Variants in PTPN13 observed in about 807,000 individuals in gnomAD.
The protein encoded by PTPN13 is protein tyrosine phosphatase non-receptor type 13.
Under a neutral mutation model 284.0 loss-of-function variants are expected in PTPN13, and 191 were observed. That is an observed-to-expected ratio of 0.67 (90% confidence interval 0.60 to 0.76). PTPN13 has a LOEUF of 0.76. Among genes scored for constraint, PTPN13 ranks in the 30% least tolerant of loss-of-function variants. PTPN13 has a pLI of 0.00. For missense variants in PTPN13, 2,797 were observed against 2,939.9 expected (o/e 0.95, Z 1.12); for synonymous variants, 986 against 1,022.3 (o/e 0.96, Z 0.68).
At chr4:86,641,120 T>A (rs1565210534) in intron 2 of PTPN13, among the ~76,000 whole-genome samples, 1 of 152,212 alleles carries the variant, frequency 6.6e-6, no homozygotes, top group African/African-American at 2.4e-5. Flanking sequence ...GATCACACAA[T>A]ATCTTTTTGT....
At chr4:86,797,035 TA>T in intron 41 of PTPN13, 106 bp downstream of exon 41, 1 of 797,720 alleles carries the variant, frequency 1.3e-6, no homozygotes, top group Non-Finnish European at 1.9e-6. Context: ...TTGAGTAGAT[TA>T]TAAAACTATG....
intron 40 of PTPN13, among the ~76,000 whole-genome samples, chr4:86,787,315 G>T (rs1006689705): frequency 1.3e-5 from 2 of 151,854 alleles, no homozygotes; most frequent in Admixed American, 1.3e-4. Flanking sequence ...AGTCCTAGCC[G>T]GGCATGGTGG....
At chr4:86,617,922 T>C (rs550019182) in intron 1 of PTPN13, among the ~76,000 whole-genome samples, 1 of 151,240 alleles carries the variant, frequency 6.6e-6, no homozygotes, top group African/African-American at 2.4e-5. Flanking sequence ...AGAAGCTCTT[T>C]AGTTTAATTA....
At chr4:86,652,483 A>T (rs557867330) in intron 2 of PTPN13, among the ~76,000 whole-genome samples, 1 of 152,148 alleles carries the variant, frequency 6.6e-6, no homozygotes, top group African/African-American at 2.4e-5. Flanking sequence ...TTGTCTGGGG[A>T]AGTCTTTATC....
chr4:86,757,258 C>T (rs1198999493), intron 20 of PTPN13, among the ~76,000 whole-genome samples: 1 of 152,044 alleles, frequency 6.6e-6, no homozygotes, highest in Admixed American at 6.6e-5. Flanking sequence ...ATTTATTTAA[C>T]TAGGATTTAT....
chr4:86,779,063 T>TAA (rs58996030), intron 35 of PTPN13, among the ~76,000 whole-genome samples: 91 of 132,414 alleles, frequency 6.9e-4, no homozygotes, highest in African/African-American at 2.1e-3. Context: ...AATGTTTCTT[T>TAA]AAAAAAAAAA....
In PTPN13 at chr4:86,620,694, G is replaced by A. The variant is rs367556971; in HGVS notation, c.-5-14558G>A. On this transcript the variant is annotated intron_variant, in intron 1 of 47. Transcript: ENST00000411767. Reference sequence around the variant, plus strand: ...TAATTTTCAAATTCTATCACAAAATGTACTTATTTGTGTATAGTTTACATT... The same window carrying A: ...TAATTTTCAAATTCTATCACAAAATATACTTATTTGTGTATAGTTTACATT... Among the ~76,000 whole-genome samples, 5 of 152,254 alleles carry A rather than the reference G, an allele frequency of 3.3e-5. No individual in the cohort carries two copies. In the South Asian group the frequency reaches 8.3e-4, roughly 25 times the overall value.
At chr4:86,651,185 T>C (rs1725036982) in intron 2 of PTPN13, among the ~76,000 whole-genome samples, 1 of 152,210 alleles carries the variant, frequency 6.6e-6, no homozygotes, top group South Asian at 2.1e-4. Flanking sequence ...ATAGTTTTTG[T>C]CTTTTATTCT....
chr4:86,713,113 T>C (rs947445541), intron 7 of PTPN13, among the ~76,000 whole-genome samples: 1 of 152,140 alleles, frequency 6.6e-6, no homozygotes, highest in African/African-American at 2.4e-5. Context: ...AGTTCTTTAC[T>C]CATTTTATTG....
chr4:86,645,144 A>G (rs1724265356), intron 2 of PTPN13, among the ~76,000 whole-genome samples: 1 of 152,100 alleles, frequency 6.6e-6, no homozygotes, highest in South Asian at 2.1e-4. Flanking sequence ...GAGCCAAGAT[A>G]GCACCACTGC....
chr4:86,643,530 C>T (rs1359649044), intron 2 of PTPN13, among the ~76,000 whole-genome samples: 1 of 152,118 alleles, frequency 6.6e-6, no homozygotes, highest in Non-Finnish European at 1.5e-5. Flanking sequence ...GGGAATAAAT[C>T]TGTTAAATAA....
chr4:86,760,733 T>C (rs1040579279), intron 23 of PTPN13, among the ~76,000 whole-genome samples: 3 of 152,122 alleles, frequency 2.0e-5, no homozygotes, highest in Non-Finnish European at 4.4e-5. Flanking sequence ...TGTGGTTTTT[T>C]TTTCTGTCCA....
chr4:86,684,822 A>G (rs1729267097), intron 3 of PTPN13, among the ~76,000 whole-genome samples: 1 of 152,232 alleles, frequency 6.6e-6, no homozygotes, highest in Non-Finnish European at 1.5e-5. Flanking sequence ...GCAAGAATTC[A>G]GTATTGATAG....
At chr4:86,757,467 C>A (rs1228887167) in intron 20 of PTPN13, among the ~76,000 whole-genome samples, 1 of 152,058 alleles carries the variant, frequency 6.6e-6, no homozygotes. Flanking sequence ...ATTAATGGAA[C>A]TATTAATAGA....
At chr4:86,796,843 C>G (rs1047950275) in intron 40 of PTPN13, 31 bp from the exon 41 acceptor site, 11 of 1,373,708 alleles carry the variant, frequency 8.0e-6, no homozygotes, top group Non-Finnish European at 1.0e-5. Flanking sequence ...TTACAATGGG[C>G]TGATTTGATT....
In PTPN13 at chr4:86,803,861, A is replaced by G; in HGVS notation, c.6654+4A>G. 1.2e-6 allele frequency: 2 copies of G among 1,612,730 alleles called. No individual in the cohort carries two copies. The highest frequency in any genetic ancestry group is 1.7e-6 in the Non-Finnish European group (2 of 1,179,062). On this transcript the variant is annotated splice_donor_region_variant and intron_variant, in intron 43 of 47. Transcript: ENST00000411767. The stretch of plus-strand genomic sequence containing the variant: ...AATTCCTTCTAAGGAGCTGGAGGTA[A>G]GTGGCTTCTGCCAATGATTCTCTCC...
intron 3 of PTPN13, among the ~76,000 whole-genome samples, chr4:86,684,647 C>T (rs1482385056): frequency 1.3e-5 from 2 of 151,960 alleles, no homozygotes; most frequent in African/African-American, 4.8e-5. Context: ...AGGGTACCCA[C>T]TTTTATTACA....
chr4:86,788,460 T>C (rs529057096), intron 40 of PTPN13, among the ~76,000 whole-genome samples: 2 of 152,340 alleles, frequency 1.3e-5, no homozygotes, highest in Non-Finnish European at 2.9e-5. Context: ...AGTTTTATCA[T>C]GTGGCAAAAG....
intron 36 of PTPN13, 77 bp from the exon 37 acceptor site, chr4:86,782,124 G>T: frequency 2.0e-6 from 2 of 1,013,830 alleles, no homozygotes; most frequent in Non-Finnish European, 3.0e-6. Flanking sequence ...AGAAATGTGA[G>T]TTTTCTTTAA....
Sources: allele counts gnomAD v4.1 joint callset (sites outside exome capture counted in the v4.1 genomes callset), GRCh38; gene constraint gnomAD v4.1.1; transcripts MANE v1.5; gene names NCBI Gene and HGNC (gene_info 2026-07-23, HGNC 2026-07-21).